Variants in KIAA1549 observed in about 807,000 individuals in gnomAD.
KIAA1549 encodes KIAA1549, also known as UPF0606 protein KIAA1549.
Under a neutral mutation model 156.4 loss-of-function variants are expected in KIAA1549, and 70 were observed. That is an observed-to-expected ratio of 0.45 (90% CI 0.37 to 0.55). The LOEUF is 0.55. Ranked by LOEUF, KIAA1549 falls within the 20% of genes least tolerant of loss-of-function variation. KIAA1549 has a pLI of 0.00. For missense variants in KIAA1549, 2,428 were observed against 2,540.9 expected (o/e 0.96, Z 0.96); for synonymous variants, 1,103 against 1,066.4 (o/e 1.03, Z -0.67).
rs763020093 is a variant in KIAA1549, at chr7:138,918,730, A to G, written c.896T>C (p.Ile299Thr). 1 of 1,613,916 alleles carries G rather than the reference A, an allele frequency of 6.2e-7. No individual in the cohort carries two copies. The highest frequency in any genetic ancestry group is 8.5e-7 in the Non-Finnish European group (1 of 1,179,876). ...MPQPLGDGIT[I>T]PLPSLGEVSQ... ...GACCTCCCCCAAGGAGGGCAACGGT[A>G]TAGTAATGCCGTCGCCTAACGGCTG... Residue 299 changes from isoleucine to threonine, a missense_variant, in exon 2 of 20, where the codon ATA (isoleucine) becomes ACA (threonine). Coordinates refer to ENST00000422774, the MANE Select transcript of KIAA1549 (RefSeq NM_001164665.2). This position sits in a 1 kb window ranked among gnomAD's most constrained non-coding sequence, Gnocchi z 4.2.
chr7:138,837,960 C>T lies in KIAA1549; in HGVS notation c.5799G>A (p.Glu1933=). The T allele has an allele frequency of 6.2e-7, 1 of 1,613,854 alleles. No homozygotes were observed. Among genetic ancestry groups the T allele is most frequent in the Non-Finnish European group, 8.5e-7 (1 of 1,179,888 alleles). Reference sequence around the variant, plus strand: ...GTTTCTGGGAGAGCCGGAGGAGCTCCTCGCGGATTGCTTTGATGAGAGAGG... The same window carrying T: ...GTTTCTGGGAGAGCCGGAGGAGCTCTTCGCGGATTGCTTTGATGAGAGAGG... ...SSASLIKAIR[E]ELLRLSQKQS... is the part of the protein sequence containing the mutation. Residue 1933 remains glutamate (E), a synonymous_variant, in exon 20 of 20, where the codon GAG becomes GAA. Transcript: ENST00000422774.
intron 9 of KIAA1549, among the ~76,000 whole-genome samples, chr7:138,895,290 G>A (rs1563066785): frequency 6.6e-6 from 1 of 152,194 alleles, no homozygotes; most frequent in South Asian, 2.1e-4. Flanking sequence ...GCAACTGGTC[G>A]TTTCCCCTTC....
intron 1 of KIAA1549, among the ~76,000 whole-genome samples, chr7:138,969,550 T>C (rs1353124399): frequency 6.6e-6 from 1 of 152,224 alleles, no homozygotes; most frequent in Non-Finnish European, 1.5e-5. Flanking sequence ...TGTGCGTACA[T>C]AGTTGGTACG....
chr7:138,855,612 G>A (rs1011508599), intron 16 of KIAA1549, among the ~76,000 whole-genome samples: 1 of 152,138 alleles, frequency 6.6e-6, no homozygotes, highest in Admixed American at 6.5e-5. Flanking sequence ...CACATCGCAG[G>A]TGCCTGACAA....
At chr7:138,913,440 C>A (rs1374085720) in intron 2 of KIAA1549, among the ~76,000 whole-genome samples, 2 of 152,084 alleles carry the variant, frequency 1.3e-5, no homozygotes, top group Non-Finnish European at 2.9e-5. Flanking sequence ...AATAAGTAAG[C>A]CTGTCTCTCA....
chr7:138,949,311 G>A (rs1360767987), intron 1 of KIAA1549, among the ~76,000 whole-genome samples: 1 of 152,024 alleles, frequency 6.6e-6, no homozygotes, highest in Non-Finnish European at 1.5e-5. Flanking sequence ...CCATGTCATG[G>A]GATTTGTCTG....
chr7:138,837,555 C>T lies in KIAA1549; in HGVS notation c.*351G>A, dbSNP rs962121055. The T allele has an allele frequency of 2.3e-5, 9 of 385,080 alleles. No homozygotes were observed. Among genetic ancestry groups the T allele is most frequent in the Non-Finnish European group, 3.2e-5 (7 of 216,552 alleles). 23.9% of individuals were successfully genotyped at this position (385,080 alleles called of 1,614,324 possible). On this transcript the variant is annotated 3_prime_UTR_variant, in exon 20 of 20. Transcript: ENST00000422774. ...TCAATCCCACAGAAACGCTTGGTTC[C>T]TTTCATCCCTATGCTGTCTATACAG... is the stretch of plus-strand genomic sequence containing the variant.
At chr7:138,904,915 C>T in intron 7 of KIAA1549, 107 bp downstream of exon 7, 2 of 690,756 alleles carry the variant, frequency 2.9e-6, no homozygotes, top group Non-Finnish European at 4.9e-6. Flanking sequence ...ATGTAAGGTA[C>T]ATTTTGCCCT....
At chr7:138,952,061 G>A (rs577939854) in intron 1 of KIAA1549, among the ~76,000 whole-genome samples, 9 of 152,292 alleles carry the variant, frequency 5.9e-5, no homozygotes, top group Non-Finnish European at 1.0e-4. Context: ...GGGTGGTTAC[G>A]TGGACTGCAC....
At chr7:138,893,670 A>G (rs969246835) in intron 10 of KIAA1549, among the ~76,000 whole-genome samples, 1 of 152,238 alleles carries the variant, frequency 6.6e-6, no homozygotes, top group African/African-American at 2.4e-5. Flanking sequence ...AAATAGGGTG[A>G]ACAGAAAATA....
chr7:138,909,656 ACTGTTAACAGC>A (rs1182983965), intron 4 of KIAA1549, among the ~76,000 whole-genome samples: 1 of 152,218 alleles, frequency 6.6e-6, no homozygotes, highest in Non-Finnish European at 1.5e-5. Context: ...TTTAGAAATT[ACTGTTAACAGC>A]CAGGTACAGC....
chr7:138,902,993 C>T (rs551329965), intron 8 of KIAA1549, among the ~76,000 whole-genome samples: 6 of 152,210 alleles, frequency 3.9e-5, no homozygotes, highest in Non-Finnish European at 8.8e-5. Flanking sequence ...ATTCTTTACA[C>T]ATTTTTTAAT....
At position 138,868,031 on chromosome 7, in the gene KIAA1549, C is replaced by A. The variant is rs768672940; in HGVS notation, c.4873G>T (p.Asp1625Tyr). Residue 1625 changes from aspartate (D) to tyrosine (Y), a missense_variant, in exon 15 of 20, where the codon GAT (aspartate) becomes TAT (tyrosine). This residue lies in a region of KIAA1549 where 404 missense variants were observed against 417.0 expected (regional missense o/e 0.97). Coordinates refer to ENST00000422774, the MANE Select transcript of KIAA1549 (RefSeq NM_001164665.2). ...CCGGGGGGCCTCCTGTAGGTGCCAT[C>A]GCTGTCTGTGGTGATGAGCCGGTCC... ...EKDRLITTDS[D>Y]GTYRRPPGVH... is the part of the protein sequence containing the mutation. The A allele has an allele frequency of 9.0e-5, 146 of 1,613,810 alleles. No individual in the cohort carries two copies. Among genetic ancestry groups the A allele is most frequent in the Non-Finnish European group, 1.2e-4 (145 of 1,179,876 alleles).
In KIAA1549 at chr7:138,902,236, G is replaced by C. The variant is rs558061680; in HGVS notation, c.3669+1352C>G. ...GGAGGGGGACAAAGGGTAATGATGA[G>C]AGGGACACACTGGTAAAAGGGCTAG... On this transcript the variant is annotated intron_variant, in intron 8 of 19. Transcript: ENST00000422774. Among the ~76,000 whole-genome samples, 16 of 152,276 alleles carry C rather than the reference G, an allele frequency of 1.1e-4. 1 individual carries two copies. In the South Asian group the frequency reaches 2.9e-3, roughly 28 times the overall value.
chr7:138,880,048 C>A lies in KIAA1549; in HGVS notation c.4230-395G>T, dbSNP rs565701084. Among the ~76,000 whole-genome samples, 165 of 152,296 alleles carry A rather than the reference C, an allele frequency of 1.1e-3. 1 individual carries two copies. Among genetic ancestry groups the A allele is most frequent in the African/African-American group, 3.6e-3 (151 of 41,558 alleles). On this transcript the variant is annotated intron_variant, in intron 11 of 19. Transcript: ENST00000422774. The stretch of plus-strand genomic sequence containing the variant: ...CACGATTAACTAGGTCTGCAGAATC[C>A]TCAGGATGCTAGAGTAGCTATGCAG...
chr7:138,851,912 C>T (rs1258508779), intron 17 of KIAA1549, among the ~76,000 whole-genome samples: 1 of 152,220 alleles, frequency 6.6e-6, no homozygotes, highest in Admixed American at 6.5e-5. Context: ...GCTCATGCCT[C>T]TGGATTTCCT....
At chr7:138,881,127 G>C (rs937616647) in intron 11 of KIAA1549, among the ~76,000 whole-genome samples, 17 of 152,312 alleles carry the variant, frequency 1.1e-4, no homozygotes, top group African/African-American at 3.1e-4. Flanking sequence ...AAGTCTGATG[G>C]GGACCCCTAA....
chr7:138,858,542 T>A (rs562531338), intron 16 of KIAA1549, among the ~76,000 whole-genome samples: 1 of 152,316 alleles, frequency 6.6e-6, no homozygotes, highest in African/African-American at 2.4e-5. Flanking sequence ...TGGGTTTAGA[T>A]GTTATGGTTT....
At chr7:138,903,832 TGTGTGTGTGTGTGTGTGTGTGCGCGCGC>T (rs1277912308) in intron 7 of KIAA1549, 96 bp from the exon 8 acceptor site, 1 of 389,478 alleles carries the variant, frequency 2.6e-6, no homozygotes, top group Non-Finnish European at 4.0e-6. Flanking sequence ...TGTGTGTGTG[TGTGTGTGTGTGTGTGTGTGTGCGCGCGC>T]GCGCGCGCGC....
Sources: allele counts gnomAD v4.1 joint callset (sites outside exome capture counted in the v4.1 genomes callset), GRCh38; gene constraint gnomAD v4.1.1; regional missense constraint gnomAD v4.1.1; non-coding constraint Gnocchi (gnomAD v3.1); transcripts MANE v1.5; gene names NCBI Gene and HGNC (gene_info 2026-07-23, HGNC 2026-07-21).